The following SLC23A2 variants were observed in gnomAD, a reference collection of about 807,000 sequenced individuals.
The protein encoded by SLC23A2 is Na(+)/L-ascorbic acid transporter 2.
In SLC23A2, 36 loss-of-function variants were observed where a neutral mutation model predicts 73.3. The ratio of observed to expected loss-of-function variants is 0.49; its 90% CI spans 0.38 to 0.65. The LOEUF (loss-of-function observed/expected upper bound fraction) is 0.65. SLC23A2 is among the 30% of genes least tolerant of loss of function. SLC23A2 has a pLI of 0.00. For synonymous variants in SLC23A2, 343 were observed against 327.3 expected, an observed-to-expected ratio of 1.05 and a Z score of -0.52; for missense variants, 507 against 841.6, an observed-to-expected ratio of 0.60 and a Z score of 4.92.
intron 3 of SLC23A2, among the ~76,000 whole-genome samples, chr20:4,921,602 CAAAAA>C (rs1258373626): frequency 1.2e-5 from 1 of 86,750 alleles, no homozygotes; most frequent in Non-Finnish European, 2.6e-5. Context: ...CAATCACAAC[CAAAAA>C]AAAAAAAAAA....
chr20:4,977,548 A>G (rs2122249260), intron 1 of SLC23A2, among the ~76,000 whole-genome samples: 1 of 151,768 alleles, frequency 6.6e-6, no homozygotes, highest in African/African-American at 2.4e-5. Context: ...AACTACAAAA[A>G]TTAGCTGGGC....
At chr20:4,969,774 G>A (rs1440519952) in intron 2 of SLC23A2, among the ~76,000 whole-genome samples, 2 of 151,816 alleles carry the variant, frequency 1.3e-5, no homozygotes, top group South Asian at 2.1e-4. Flanking sequence ...AGAATGTATC[G>A]GCAGATGTGA....
intron 1 of SLC23A2, among the ~76,000 whole-genome samples, chr20:4,974,814 G>A (rs570084722): frequency 6.6e-6 from 1 of 152,232 alleles, no homozygotes; most frequent in African/African-American, 2.4e-5. Context: ...TTGAGACGGA[G>A]TCTCGCTCTG....
At position 4,862,948 on chromosome 20, in the gene SLC23A2, C is replaced by A. The variant is rs768300749; in HGVS notation, c.1357-41G>T. On this transcript the variant is annotated intron_variant, in intron 13 of 16. Transcript: ENST00000338244. The surrounding 1 kb of genome is among the most constrained non-coding windows in gnomAD (Gnocchi z 5.1). ...GAGACTGGGAAACAGGGACTCATCT[C>A]CATGCAAAATCACCGTAAGTTACTA... 1.9e-6 allele frequency: 3 copies of A among 1,586,342 alleles called. No individual in the cohort carries two copies. The highest frequency in any genetic ancestry group is 1.3e-5 in the African/African-American group (1 of 74,316).
intron 1 of SLC23A2, among the ~76,000 whole-genome samples, chr20:4,999,649 T>C (rs2088085151): frequency 6.6e-6 from 1 of 151,706 alleles, no homozygotes; most frequent in Non-Finnish European, 1.5e-5. Context: ...CACCTCAGCC[T>C]CCCAAAGTGC....
intron 2 of SLC23A2, among the ~76,000 whole-genome samples, chr20:4,935,500 T>C (rs969155164): frequency 3.9e-5 from 6 of 152,140 alleles, no homozygotes; most frequent in Non-Finnish European, 7.3e-5. Context: ...TAGCCCTTAA[T>C]ATATAAAATC....
chr20:4,955,796 A>AT (rs577009159), intron 2 of SLC23A2, among the ~76,000 whole-genome samples: 32 of 149,902 alleles, frequency 2.1e-4, no homozygotes, highest in Admixed American at 4.7e-4. Context: ...CTGAAAAATA[A>AT]TTTTTTTTTT....
chr20:4,920,204 T>G (rs1167721979), intron 3 of SLC23A2, among the ~76,000 whole-genome samples: 1 of 152,170 alleles, frequency 6.6e-6, no homozygotes, highest in East Asian at 1.9e-4. Flanking sequence ...GAGGTTGCAA[T>G]GAGCCGAGAA....
At chr20:4,866,123 G>A (rs1315118411) in intron 13 of SLC23A2, among the ~76,000 whole-genome samples, 5 of 152,084 alleles carry the variant, frequency 3.3e-5, no homozygotes, top group Admixed American at 6.6e-5. Flanking sequence ...GTGAGCCACC[G>A]TACCCAGCCA....
chr20:4,866,314 A>G (rs540882452), intron 13 of SLC23A2, among the ~76,000 whole-genome samples: 1 of 152,326 alleles, frequency 6.6e-6, no homozygotes, highest in Admixed American at 6.5e-5. Flanking sequence ...AATATTTTTG[A>G]ATTGAAGTTG....
At chr20:4,882,163 A>T (rs958623546) in intron 9 of SLC23A2, among the ~76,000 whole-genome samples, 1 of 150,910 alleles carries the variant, frequency 6.6e-6, no homozygotes, top group Non-Finnish European at 1.5e-5. Context: ...GATCACCTGA[A>T]GTCAGGAGTT....
At position 4,899,454 on chromosome 20, in the gene SLC23A2, T is replaced by C. The variant is rs1931664507; in HGVS notation, c.482+101A>G. On this transcript the variant is annotated intron_variant, in intron 6 of 16. Coordinates refer to ENST00000338244, the MANE Select transcript of SLC23A2 (RefSeq NM_005116.6). This position sits in a 1 kb window ranked among gnomAD's most constrained non-coding sequence, Gnocchi z 4.9. ...CTAGGACATTCCCGTGCCTCCATTCTGTCCTTGCCAACAGCCCTAGGCAAA... is the reference window on the plus strand; with the variant it reads ...CTAGGACATTCCCGTGCCTCCATTCCGTCCTTGCCAACAGCCCTAGGCAAA... 2.2e-6 allele frequency: 3 copies of C among 1,383,214 alleles called. No homozygotes were observed. Among genetic ancestry groups the C allele is most frequent in the Non-Finnish European group, 3.0e-6 (3 of 984,078 alleles). The allele number at this position is 1,383,214 out of a possible 1,614,324, so 85.7% of individuals were successfully genotyped here.
Position 4,899,425 on chromosome 20 carries a change from G to A in SLC23A2, c.482+130C>T, listed in dbSNP as rs915436897. 46 of 1,029,522 alleles carry A rather than the reference G, an allele frequency of 4.5e-5. No homozygotes were observed. The highest frequency in any genetic ancestry group is 1.2e-4 in the Admixed American group (6 of 51,486). 63.8% of individuals were successfully genotyped at this position (1,029,522 alleles called of 1,614,324 possible). A position where few individuals can be genotyped will look rare whatever the true frequency, so the allele number is the denominator to read the frequency against. On this transcript the variant is annotated intron_variant, in intron 6 of 16. Coordinates refer to ENST00000338244, the MANE Select transcript of SLC23A2 (RefSeq NM_005116.6). This position sits in a 1 kb window ranked among gnomAD's most constrained non-coding sequence, Gnocchi z 4.9. ...GAACACTGAGGGGTGGGGACCAACG[G>A]CCACTAGGACATTCCCGTGCCTCCA... is the stretch of plus-strand genomic sequence containing the variant.
chr20:5,005,278 C>T (rs73601334), upstream of SLC23A2, among the ~76,000 whole-genome samples: 4,233 of 152,114 alleles, frequency 0.028, 187 homozygotes, highest in South Asian at 0.17. Context: ...ATTATTTTTA[C>T]ATAATTATTT....
intron 9 of SLC23A2, among the ~76,000 whole-genome samples, chr20:4,881,035 G>A (rs1324720623): frequency 1.3e-5 from 2 of 152,210 alleles, no homozygotes; most frequent in Non-Finnish European, 2.9e-5. Flanking sequence ...TTGTTCCGGA[G>A]GAGGAAGGGC....
At chr20:4,870,182 A>G (rs1172801094) in intron 11 of SLC23A2, 129 bp from the exon 12 acceptor site, 1 of 776,898 alleles carries the variant, frequency 1.3e-6, no homozygotes, top group African/African-American at 1.7e-5. Context: ...GCTCATGGAA[A>G]CTGTTCATTT....
intron 2 of SLC23A2, among the ~76,000 whole-genome samples, chr20:4,970,133 C>A (rs2087539177): frequency 6.6e-6 from 1 of 152,050 alleles, no homozygotes; most frequent in Non-Finnish European, 1.5e-5. Context: ...GGGCCAAGAG[C>A]AGGAGGTACT....
In SLC23A2 at chr20:4,863,055, G is replaced by A. The variant is rs1930042038; in HGVS notation, c.1357-148C>T. ...GCCCACTCTTCTCACCTCCACTGTG[G>A]GGACCCTGAGGGCCGCCCTCTGCAT... On this transcript the variant is annotated intron_variant, in intron 13 of 16. Coordinates refer to ENST00000338244, the MANE Select transcript of SLC23A2 (RefSeq NM_005116.6). This position sits in a 1 kb window ranked among gnomAD's most constrained non-coding sequence, Gnocchi z 4.8. 2.8e-6 allele frequency: 2 copies of A among 710,924 alleles called. No individual in the cohort carries two copies. The highest frequency in any genetic ancestry group is 2.7e-5 in the Admixed American group (1 of 36,590). 44.0% of individuals were successfully genotyped at this position (710,924 alleles called of 1,614,324 possible).
upstream of SLC23A2, among the ~76,000 whole-genome samples, chr20:5,005,345 C>T (rs1391925542): frequency 6.6e-6 from 1 of 152,052 alleles, no homozygotes; most frequent in Admixed American, 6.6e-5. Flanking sequence ...AGTTGCTTTT[C>T]CTTTTATTTT....
Sources: gnomAD v4.1 joint callset for allele counts (sites outside exome capture counted in the v4.1 genomes callset) on GRCh38, gnomAD v4.1.1 for gene constraint, Gnocchi (gnomAD v3.1) non-coding constraint, MANE v1.5 for transcripts, NCBI Gene and HGNC (gene_info 2026-07-23, HGNC 2026-07-21) for gene names.